Variants in CCDC122 observed in about 807,000 individuals in gnomAD.
CCDC122 encodes the protein coiled-coil domain containing 122, also known as coiled-coil domain-containing protein 122.
In CCDC122, 38 loss-of-function variants were observed where a neutral mutation model predicts 37.0. The ratio of observed to expected loss-of-function variants is 1.03; its 90% CI spans 0.79 to 1.35. The LOEUF (loss-of-function observed/expected upper bound fraction) is 1.35. Ranked by LOEUF, CCDC122 falls within the 40% of genes most tolerant of loss-of-function variation. CCDC122 has a pLI of 0.00. For synonymous variants in CCDC122, 83 were observed against 95.6 expected, an observed-to-expected ratio of 0.87 and a Z score of 0.77; for missense variants, 305 against 310.0, an observed-to-expected ratio of 0.98 and a Z score of 0.12.
downstream of CCDC122, among the ~76,000 whole-genome samples, chr13:43,822,710 G>A (rs762439928): frequency 6.6e-6 from 1 of 152,294 alleles, no homozygotes; most frequent in South Asian, 2.1e-4. Context: ...GCCTCTCCCT[G>A]TGGCTGCCAC....
chr13:43,824,583 G>A (rs1462928753), intron 3 of CCDC122, among the ~76,000 whole-genome samples: 1 of 152,170 alleles, frequency 6.6e-6, no homozygotes, highest in African/African-American at 2.4e-5. Context: ...AAGACCTTCT[G>A]CACAGCAAAA....
intron 1 of CCDC122, among the ~76,000 whole-genome samples, chr13:43,877,061 C>T (rs752422814): frequency 3.9e-5 from 6 of 152,112 alleles, no homozygotes; most frequent in South Asian, 4.1e-4. Flanking sequence ...GAGCCGAGAT[C>T]GCACCACTGT....
intron 6 of CCDC122, among the ~76,000 whole-genome samples, chr13:43,844,976 G>A (rs1313040709): frequency 6.6e-6 from 1 of 152,004 alleles, no homozygotes; most frequent in Non-Finnish European, 1.5e-5. Flanking sequence ...TGTAACTAAT[G>A]ATATTTTGGG....
At chr13:43,870,503 T>C (rs1424593347) in intron 2 of CCDC122, among the ~76,000 whole-genome samples, 3 of 152,156 alleles carry the variant, frequency 2.0e-5, no homozygotes, top group African/African-American at 7.2e-5. Context: ...ATTTATACTT[T>C]CAGTATATAC....
At chr13:43,869,215 G>A (rs1163937128) in intron 3 of CCDC122, 116 bp downstream of exon 3, 1 of 777,644 alleles carries the variant, frequency 1.3e-6, no homozygotes, top group Non-Finnish European at 2.2e-6. Flanking sequence ...CCAGCTAAAT[G>A]TAACTGCTTC....
intron 3 of CCDC122, among the ~76,000 whole-genome samples, chr13:43,825,188 T>C (rs9562515): frequency 0.024 from 3,626 of 152,310 alleles, 112 homozygotes; most frequent in East Asian, 0.14. Context: ...AAATAAAATG[T>C]GGTACATATA....
chr13:43,852,237 A>G (rs535305819), intron 6 of CCDC122, among the ~76,000 whole-genome samples: 1 of 152,288 alleles, frequency 6.6e-6, no homozygotes, highest in East Asian at 1.9e-4. Context: ...AAGAATCATG[A>G]CAAAACAATG....
intron 4 of CCDC122, among the ~76,000 whole-genome samples, chr13:43,860,386 C>T (rs1205165722): frequency 6.6e-6 from 1 of 151,974 alleles, no homozygotes; most frequent in Non-Finnish European, 1.5e-5. Flanking sequence ...CAGAAGTATA[C>T]ACTCAGGGAA....
chr13:43,821,114 C>T (rs1218456788), downstream of CCDC122, among the ~76,000 whole-genome samples: 1 of 152,074 alleles, frequency 6.6e-6, no homozygotes, highest in Non-Finnish European at 1.5e-5. Context: ...TTGGGAGTTT[C>T]GGAGTTTGAT....
chr13:43,868,430 G>A (rs1954342576), intron 4 of CCDC122, among the ~76,000 whole-genome samples: 1 of 152,020 alleles, frequency 6.6e-6, no homozygotes, highest in Admixed American at 6.6e-5. Context: ...TCAAATAAGG[G>A]AATGTAAAAT....
At chr13:43,853,407 A>C (rs1953808417) in intron 6 of CCDC122, among the ~76,000 whole-genome samples, 1 of 152,240 alleles carries the variant, frequency 6.6e-6, no homozygotes, top group Non-Finnish European at 1.5e-5. Context: ...GCATTACATA[A>C]TGGTAAAGGA....
At chr13:43,844,489 A>G (rs1407100891) in intron 6 of CCDC122, among the ~76,000 whole-genome samples, 2 of 152,036 alleles carry the variant, frequency 1.3e-5, no homozygotes, top group East Asian at 1.9e-4. Context: ...GGAGTGCTTT[A>G]TAAATGTTAA....
downstream of CCDC122, among the ~76,000 whole-genome samples, chr13:43,831,423 G>GA (rs1427055593): frequency 6.6e-6 from 1 of 152,138 alleles, no homozygotes; most frequent in African/African-American, 2.4e-5. Context: ...GAAGCACCAT[G>GA]GATTCTGGGA....
chr13:43,857,859 C>T (rs1279328611), intron 6 of CCDC122, among the ~76,000 whole-genome samples: 1 of 152,094 alleles, frequency 6.6e-6, no homozygotes, highest in Non-Finnish European at 1.5e-5. Flanking sequence ...GCTGAGATCG[C>T]ACCACTGTAC....
At chr13:43,868,486 C>T (rs905635986) in intron 4 of CCDC122, among the ~76,000 whole-genome samples, 5 of 152,066 alleles carry the variant, frequency 3.3e-5, no homozygotes, top group African/African-American at 1.2e-4. Context: ...CCTACAGTTG[C>T]AATGACATTG....
At chr13:43,862,591 G>A (rs1005065895) in intron 4 of CCDC122, among the ~76,000 whole-genome samples, 1 of 152,060 alleles carries the variant, frequency 6.6e-6, no homozygotes, top group African/African-American at 2.4e-5. Flanking sequence ...GTGGCTACAG[G>A]AACCATGTCT....
intron 6 of CCDC122, among the ~76,000 whole-genome samples, chr13:43,851,278 G>A (rs1243159025): frequency 2.0e-5 from 3 of 152,168 alleles, no homozygotes; most frequent in African/African-American, 7.2e-5. Context: ...GCAAAACTAT[G>A]AGTAAATAGA....
At chr13:43,848,335 G>A (rs1326565612) in intron 6 of CCDC122, among the ~76,000 whole-genome samples, 1 of 152,158 alleles carries the variant, frequency 6.6e-6, no homozygotes, top group Non-Finnish European at 1.5e-5. Context: ...CCAAAGCATT[G>A]CTTGCAGCAT....
intron 3 of CCDC122, 97 bp from the exon 4 acceptor site, chr13:43,868,900 A>G (rs1030075330): frequency 1.8e-5 from 11 of 624,924 alleles, no homozygotes; most frequent in Non-Finnish European, 2.7e-5. Context: ...GAAATATTTG[A>G]TACTTTTTCC....
Sources: gnomAD v4.1 joint callset for allele counts (sites outside exome capture counted in the v4.1 genomes callset) on GRCh38, gnomAD v4.1.1 for gene constraint, MANE v1.5 for transcripts, NCBI Gene and HGNC (gene_info 2026-07-23, HGNC 2026-07-21) for gene names.